The following MAN1B1 variants were observed in gnomAD, a reference collection of about 807,000 sequenced individuals.
The protein encoded by MAN1B1 is endoplasmic reticulum mannosyl-oligosaccharide 1,2-alpha-mannosidase.
MAN1B1 carries 66 observed loss-of-function variants against 75.5 expected under a neutral mutation model. The observed-to-expected ratio is 0.87, with a 90% CI of 0.72 to 1.07. The LOEUF (loss-of-function observed/expected upper bound fraction) is 1.07. MAN1B1 is among the 50% of genes least tolerant of loss of function. The pLI, the probability that MAN1B1 is intolerant of heterozygous loss-of-function variation, is 0.00. For synonymous variants in MAN1B1, 453 were observed against 382.8 expected, an observed-to-expected ratio of 1.18 and a Z score of -2.14; for missense variants, 973 against 912.5, an observed-to-expected ratio of 1.07 and a Z score of -0.85.
rs538230760 is a variant in MAN1B1, at chr9:137,105,914, C to G, written c.1255-211C>G. ...ACCACCCGTTGGGAGCAGTGACATT[C>G]AGGTGCGTTGCACTGGTGGCTGTGT... On this transcript the variant is annotated intron_variant, in intron 8 of 12. Coordinates refer to ENST00000371589, the MANE Select transcript of MAN1B1 (RefSeq NM_016219.5). 17 of 690,754 alleles carry G rather than the reference C, an allele frequency of 2.5e-5. No homozygotes were observed. In the African/African-American group the frequency reaches 3.0e-4, roughly 12 times the overall value. 42.8% of individuals were successfully genotyped at this position (690,754 alleles called of 1,614,324 possible).
chr9:137,092,135 G>A (rs1461805667), intron 3 of MAN1B1, among the ~76,000 whole-genome samples: 1 of 152,012 alleles, frequency 6.6e-6, no homozygotes, highest in African/African-American at 2.4e-5. Flanking sequence ...AGCACTTTCA[G>A]AGGCCAAGGC....
In MAN1B1 at chr9:137,106,777, G is replaced by C; in HGVS notation, c.1534G>C (p.Glu512Gln). 3 of 1,613,460 alleles carry C rather than the reference G, an allele frequency of 1.9e-6. No individual in the cohort carries two copies. The highest frequency in any genetic ancestry group is 2.5e-6 in the Non-Finnish European group (3 of 1,179,996). The stretch of plus-strand genomic sequence containing the variant: ...GCCCAGTAAGCTCACCTTTGTGGGG[G>C]AGCTTGCCCACGGCCGCTTCAGTGC... ...SEPSKLTFVG[E>Q]LAHGRFSAKM... Residue 512 changes from glutamate (E) to glutamine (Q), a missense_variant, in exon 10 of 13, where the codon GAG (glutamate) becomes CAG (glutamine). Glu to Gln is a conservative substitution (Grantham distance 29). Coordinates refer to ENST00000371589, the MANE Select transcript of MAN1B1 (RefSeq NM_016219.5).
intron 8 of MAN1B1, chr9:137,102,002 G>A (rs1830832359): frequency 1.9e-6 from 1 of 515,882 alleles, no homozygotes; most frequent in South Asian, 1.6e-5. Flanking sequence ...GGTCGGTGGT[G>A]TTACACACAT....
At chr9:137,100,908 C>CG in intron 6 of MAN1B1, 97 bp from the exon 7 acceptor site, 2 of 1,425,138 alleles carry the variant, frequency 1.4e-6, no homozygotes, top group Middle Eastern at 1.8e-4. Flanking sequence ...GCATGAGCCA[C>CG]CACGCCCAGC....
At chr9:137,097,379 TG>T in intron 4 of MAN1B1, among the ~76,000 whole-genome samples, 1 of 152,332 alleles carries the variant, frequency 6.6e-6, no homozygotes, top group South Asian at 2.1e-4. Flanking sequence ...TAGCTGTTCC[TG>T]ATGGCCATTG....
At chr9:137,088,015 A>G in intron 1 of MAN1B1, 60 bp from the exon 2 acceptor site, 2 of 1,257,652 alleles carry the variant, frequency 1.6e-6, no homozygotes, top group Admixed American at 1.7e-5. Flanking sequence ...AGTTTGTGAC[A>G]GTTGAGACGT....
intron 5 of MAN1B1, 25 bp from the exon 6 acceptor site, chr9:137,099,671 G>C: frequency 6.2e-7 from 1 of 1,613,534 alleles, no homozygotes; most frequent in Non-Finnish European, 8.5e-7. Context: ...GTCCGCCATG[G>C]CCTGTGCTCT....
At chr9:137,091,932 A>G (rs567903677) in intron 3 of MAN1B1, among the ~76,000 whole-genome samples, 69 of 152,360 alleles carry the variant, frequency 4.5e-4, no homozygotes, top group African/African-American at 1.6e-3. Flanking sequence ...TGCTGGGATC[A>G]CAGGCATAAG....
rs370929561 is a variant in MAN1B1 at position 137,106,670 on chromosome 9, T to C, written c.1446-19T>C. ...GATGCACCGTCCTGGTAGAGTGAGA[T>C]GACTGCTGGTGTCCACAGGCTGCTG... On this transcript the variant is annotated intron_variant, in intron 9 of 12. Coordinates refer to ENST00000371589, the MANE Select transcript of MAN1B1 (RefSeq NM_016219.5). The C allele has an allele frequency of 1.6e-5, 26 of 1,613,086 alleles. No individual in the cohort carries two copies. The highest frequency in any genetic ancestry group is 2.1e-5 in the Non-Finnish European group (25 of 1,179,932).
chr9:137,087,091 T>G lies in MAN1B1; in HGVS notation c.92T>G (p.Val31Gly), dbSNP rs753477079. 6.3e-7 allele frequency: 1 copy of G among 1,599,042 alleles called. No homozygotes were observed. Among genetic ancestry groups the G allele is most frequent in the East Asian group, 2.3e-5 (1 of 44,342 alleles). ...TPPVGGAPWA[V>G]ATTVVMYPPP... ...CCAGTGGGCGGGGCCCCTTGGGCCGTCGCCACCACTGTAGTCATGTACCCA... is the reference window on the plus strand; with the variant it reads ...CCAGTGGGCGGGGCCCCTTGGGCCGGCGCCACCACTGTAGTCATGTACCCA... The change falls in exon 1 of 13, where the codon GTC becomes GGC. Residue 31 changes from valine to glycine, a missense_variant. Physicochemically the swap from Val to Gly is moderately radical, Grantham distance 109. Coordinates refer to ENST00000371589, the MANE Select transcript of MAN1B1 (RefSeq NM_016219.5).
chr9:137,106,915 C>G, intron 10 of MAN1B1, 106 bp downstream of exon 10: 1 of 1,481,900 alleles, frequency 6.7e-7, no homozygotes, highest in Non-Finnish European at 9.1e-7. Context: ...ATGGCGCCCA[C>G]GTGGAGGCCC....
chr9:137,108,920 G>C lies in MAN1B1; in HGVS notation c.*329G>C, dbSNP rs1353328762. ...GCTTCGAGGTGGTCCCTGGTACTGGGGTGACCGAGTGGACAGCCCAGGGTG... is the reference window on the plus strand; with the variant it reads ...GCTTCGAGGTGGTCCCTGGTACTGGCGTGACCGAGTGGACAGCCCAGGGTG... On this transcript the variant is annotated 3_prime_UTR_variant, in exon 13 of 13. Transcript: ENST00000371589. 2.0e-6 allele frequency: 1 copy of C among 508,556 alleles called. No individual in the cohort carries two copies. 31.5% of individuals were successfully genotyped at this position (508,556 alleles called of 1,614,324 possible). A position where few individuals can be genotyped will look rare whatever the true frequency, so the allele number is the denominator to read the frequency against.
chr9:137,090,582 C>G (rs1448007901), intron 3 of MAN1B1, among the ~76,000 whole-genome samples: 1 of 152,012 alleles, frequency 6.6e-6, no homozygotes, highest in Non-Finnish European at 1.5e-5. Context: ...CTCTGTCGCC[C>G]AGGCTGGAGT....
intron 8 of MAN1B1, chr9:137,101,886 C>T: frequency 1.5e-6 from 1 of 683,332 alleles, no homozygotes; most frequent in South Asian, 1.5e-5. Flanking sequence ...TGGTGTTACA[C>T]ACATTCACAC....
At position 137,097,870 on chromosome 9, in the gene MAN1B1, C is replaced by G; in HGVS notation, c.663C>G (p.Leu221=). 6.4e-7 allele frequency: 1 copy of G among 1,559,822 alleles called. No individual in the cohort carries two copies. Among genetic ancestry groups the G allele is most frequent in the Non-Finnish European group, 8.7e-7 (1 of 1,152,488 alleles). ...TCGAGCCTGAGCAGGGCACCGAGCT[C>G]CCTTCAAGAAGAGCAGAAGTGCCCA... The part of the protein sequence containing the change: ...AVIEPEQGTE[L]PSRRAEVPTK... Residue 221 remains leucine, a synonymous_variant, in exon 5 of 13, where the codon CTC becomes CTG. Transcript: ENST00000371589.
intron 8 of MAN1B1, chr9:137,102,736 G>T: frequency 1.1e-5 from 4 of 365,402 alleles, no homozygotes; most frequent in Non-Finnish European, 2.1e-5. Context: ...TTGCAGGCGT[G>T]CAGGTCGGTG....
In MAN1B1 at chr9:137,106,783, G is replaced by A. The variant is rs773982091; in HGVS notation, c.1540G>A (p.Ala514Thr). The change falls in exon 10 of 13, where the codon GCC becomes ACC. Residue 514 changes from alanine to threonine, a missense_variant. Physicochemically the swap from Ala to Thr is moderately conservative, Grantham distance 58 (BLOSUM62 0). Coordinates refer to ENST00000371589, the MANE Select transcript of MAN1B1 (RefSeq NM_016219.5). ...TAAGCTCACCTTTGTGGGGGAGCTT[G>A]CCCACGGCCGCTTCAGTGCCAAGAT... ...PSKLTFVGELAHGRFSAKMDH... is the reference protein window; with the variant it reads ...PSKLTFVGELTHGRFSAKMDH... 3.1e-6 allele frequency: 5 copies of A among 1,613,362 alleles called. No homozygotes were observed. The highest frequency in any genetic ancestry group is 4.2e-6 in the Non-Finnish European group (5 of 1,179,972).
At chr9:137,103,884 C>T in intron 8 of MAN1B1, 1 of 452,996 alleles carries the variant, frequency 2.2e-6, no homozygotes, top group Admixed American at 2.4e-5. Context: ...TGGTGTTACA[C>T]ACATTCATGC....
At chr9:137,105,928 T>C (rs1831077123) in intron 8 of MAN1B1, 197 bp from the exon 9 acceptor site, 1 of 696,478 alleles carries the variant, frequency 1.4e-6, no homozygotes, top group East Asian at 2.7e-5. Context: ...TGCGTTGCAC[T>C]GGTGGCTGTG....
Sources: allele counts gnomAD v4.1 joint callset (sites outside exome capture counted in the v4.1 genomes callset), GRCh38; gene constraint gnomAD v4.1.1; transcripts MANE v1.5; gene names NCBI Gene and HGNC (gene_info 2026-07-23, HGNC 2026-07-21).